The following LRRC4C variants were observed in gnomAD, a reference collection of about 807,000 sequenced individuals.
LRRC4C encodes the protein leucine rich repeat containing 4C.
LRRC4C carries 5 observed loss-of-function variants against 33.6 expected under a neutral mutation model. The ratio of observed to expected loss-of-function variants is 0.15; its 90% confidence interval spans 0.08 to 0.31. LRRC4C has a LOEUF of 0.31. Among genes scored for constraint, LRRC4C ranks in the 10% least tolerant of loss-of-function variants. The pLI is 1.00. For synonymous variants in LRRC4C, 329 were observed against 302.0 expected (o/e 1.09, Z -0.93); for missense variants, 560 against 796.7 (o/e 0.70, Z 3.58).
At chr11:41,301,268 C>T (rs2137078127) in intron 1 of LRRC4C, among the ~76,000 whole-genome samples, 1 of 152,254 alleles carries the variant, frequency 6.6e-6, no homozygotes, top group East Asian at 1.9e-4. Flanking sequence ...ACGTCATTTA[C>T]TTTAATACTA....
chr11:40,244,767 AAG>A (rs1260131215), intron 4 of LRRC4C, among the ~76,000 whole-genome samples: 3 of 152,114 alleles, frequency 2.0e-5, no homozygotes, highest in African/African-American at 7.2e-5. Flanking sequence ...ACGTTATGTA[AAG>A]AGAGATTCTT....
At chr11:41,347,891 T>G (rs1024847843) in intron 1 of LRRC4C, among the ~76,000 whole-genome samples, 1 of 152,204 alleles carries the variant, frequency 6.6e-6, no homozygotes, top group Non-Finnish European at 1.5e-5. Context: ...CCACCGGTAC[T>G]AATTATTTAC....
At chr11:40,198,740 C>G (rs1862469164) in intron 5 of LRRC4C, among the ~76,000 whole-genome samples, 1 of 152,178 alleles carries the variant, frequency 6.6e-6, no homozygotes, top group Non-Finnish European at 1.5e-5. Context: ...ATTCAGCAAG[C>G]TTTCTAAATG....
intron 1 of LRRC4C, among the ~76,000 whole-genome samples, chr11:41,357,861 A>G (rs1425984043): frequency 6.6e-6 from 1 of 152,120 alleles, no homozygotes; most frequent in African/African-American, 2.4e-5. Flanking sequence ...ATTTAATGCA[A>G]TCTTAAAGCA....
At chr11:40,744,093 G>A (rs1301521685) in intron 2 of LRRC4C, among the ~76,000 whole-genome samples, 1 of 152,016 alleles carries the variant, frequency 6.6e-6, no homozygotes, top group Non-Finnish European at 1.5e-5. Flanking sequence ...CCGTGTTCCG[G>A]CACTTCTGTT....
chr11:40,205,666 T>G (rs1347187714), intron 5 of LRRC4C, among the ~76,000 whole-genome samples: 1 of 152,198 alleles, frequency 6.6e-6, no homozygotes, highest in Non-Finnish European at 1.5e-5. Context: ...ATTTTGAATG[T>G]TTTCCCACGT....
At chr11:40,628,534 T>C (rs1272194242) in intron 3 of LRRC4C, among the ~76,000 whole-genome samples, 8 of 152,132 alleles carry the variant, frequency 5.3e-5, no homozygotes, top group Admixed American at 5.2e-4. Context: ...TTTTAGAGTA[T>C]GAGACTCAGG....
At chr11:40,271,544 T>C (rs1170957917) in intron 4 of LRRC4C, among the ~76,000 whole-genome samples, 3 of 152,178 alleles carry the variant, frequency 2.0e-5, no homozygotes, top group Non-Finnish European at 4.4e-5. Flanking sequence ...AACTGAACTA[T>C]GTCAAATGTG....
chr11:41,223,862 G>A (rs921477393), intron 1 of LRRC4C, among the ~76,000 whole-genome samples: 10 of 152,176 alleles, frequency 6.6e-5, no homozygotes, highest in Admixed American at 3.9e-4. Flanking sequence ...TGCCATACAC[G>A]TAGTTGATGG....
intron 1 of LRRC4C, among the ~76,000 whole-genome samples, chr11:41,141,255 C>T (rs1346434320): frequency 6.6e-6 from 1 of 152,082 alleles, no homozygotes; most frequent in African/African-American, 2.4e-5. Flanking sequence ...ATCACCACCA[C>T]CACACAAAAT....
intron 2 of LRRC4C, among the ~76,000 whole-genome samples, chr11:40,807,181 G>A (rs1951290219): frequency 6.6e-6 from 1 of 152,060 alleles, no homozygotes; most frequent in Non-Finnish European, 1.5e-5. Flanking sequence ...TTTTCCAATA[G>A]ACTGATAAGT....
At chr11:40,328,495 T>C (rs1329542370) in intron 3 of LRRC4C, among the ~76,000 whole-genome samples, 1 of 152,204 alleles carries the variant, frequency 6.6e-6, no homozygotes, top group Non-Finnish European at 1.5e-5. Context: ...CAACTAAAGT[T>C]GTTGACAAGT....
intron 1 of LRRC4C, among the ~76,000 whole-genome samples, chr11:41,046,945 C>A (rs541682438): frequency 1.3e-5 from 2 of 152,104 alleles, no homozygotes; most frequent in Admixed American, 6.5e-5. Flanking sequence ...TCTTAGTAAT[C>A]TTAGATTATA....
At chr11:40,678,598 G>C (rs1449129233) in intron 2 of LRRC4C, among the ~76,000 whole-genome samples, 4 of 151,954 alleles carry the variant, frequency 2.6e-5, no homozygotes, top group Non-Finnish European at 5.9e-5. Flanking sequence ...CATAGGGGTG[G>C]GTCTTCTCCT....
At chr11:40,472,463 G>A (rs1043618392) in intron 3 of LRRC4C, among the ~76,000 whole-genome samples, 1 of 148,692 alleles carries the variant, frequency 6.7e-6, no homozygotes, top group African/African-American at 2.5e-5. Flanking sequence ...CTAAAGAAGT[G>A]TTTAGAGGGA....
intron 2 of LRRC4C, among the ~76,000 whole-genome samples, chr11:40,882,413 T>C (rs1386225331): frequency 6.6e-6 from 1 of 152,138 alleles, no homozygotes; most frequent in Non-Finnish European, 1.5e-5. Context: ...ATGGTCACAC[T>C]ACCTACGGCC....
At chr11:40,241,986 T>C (rs1865955167) in intron 4 of LRRC4C, 1 of 152,068 alleles carries the variant, frequency 6.6e-6, no homozygotes, top group South Asian at 2.1e-4. Flanking sequence ...GAATTTCTCC[T>C]AGAGAAATTT....
chr11:40,189,776 G>C (rs1359750660), intron 5 of LRRC4C, among the ~76,000 whole-genome samples: 1 of 152,218 alleles, frequency 6.6e-6, no homozygotes, highest in Non-Finnish European at 1.5e-5. Flanking sequence ...ATAAGACTCT[G>C]AGAATGAGCA....
At chr11:40,334,753 T>C (rs1469258668) in intron 3 of LRRC4C, among the ~76,000 whole-genome samples, 1 of 152,152 alleles carries the variant, frequency 6.6e-6, no homozygotes, top group African/African-American at 2.4e-5. Flanking sequence ...CAATTCAGAG[T>C]ACCTATCTCA....
Sources: gnomAD v4.1 joint callset for allele counts (sites outside exome capture counted in the v4.1 genomes callset) on GRCh38, gnomAD v4.1.1 for gene constraint, MANE v1.5 for transcripts, NCBI Gene and HGNC (gene_info 2026-07-23, HGNC 2026-07-21) for gene names.